Variants in EYS observed in about 807,000 individuals in gnomAD.
EYS encodes the protein EGF-like photoreceptor maintenance factor.
A neutral mutation model predicts 282.1 loss-of-function variants in EYS; 250 were observed. That is an observed-to-expected ratio of 0.89 (90% confidence interval 0.80 to 0.98). EYS has a LOEUF of 0.98. Ranked by LOEUF, EYS falls within the 50% of genes least tolerant of loss-of-function variation. The probability of loss-of-function intolerance (pLI) is 0.00; values close to 1 mark genes in which losing one functional copy is unlikely to be tolerated. For missense variants in EYS, 4,016 were observed against 3,709.0 expected (o/e 1.08, Z -2.15); for synonymous variants, 1,355 against 1,282.9 (o/e 1.06, Z -1.20).
intron 29 of EYS, among the ~76,000 whole-genome samples, chr6:64,334,827 T>C (rs1029015925): frequency 1.3e-5 from 2 of 152,158 alleles, no homozygotes; most frequent in Non-Finnish European, 2.9e-5. Context: ...AGTTAGCTCA[T>C]GTTCCAGTCC....
chr6:65,678,359 T>C (rs1266861019), intron 1 of EYS, among the ~76,000 whole-genome samples: 2 of 151,960 alleles, frequency 1.3e-5, no homozygotes, highest in Admixed American at 6.6e-5. Flanking sequence ...CAATAAAAGG[T>C]GTTGGGAAAA....
At chr6:64,391,887 T>C (rs1043003117) in intron 28 of EYS, among the ~76,000 whole-genome samples, 4 of 152,128 alleles carry the variant, frequency 2.6e-5, no homozygotes, top group Non-Finnish European at 4.4e-5. Context: ...ACCCATCTCA[T>C]GTGCAGAGAC....
At chr6:64,499,319 T>C (rs1339324937) in intron 26 of EYS, among the ~76,000 whole-genome samples, 1 of 152,198 alleles carries the variant, frequency 6.6e-6, no homozygotes, top group African/African-American at 2.4e-5. Flanking sequence ...ATTTTATGTC[T>C]CTTGGCTTTT....
intron 35 of EYS, among the ~76,000 whole-genome samples, chr6:63,952,004 A>G (rs886860148): frequency 1.3e-5 from 2 of 152,166 alleles, no homozygotes; most frequent in African/African-American, 4.8e-5. Flanking sequence ...AAACCCCACA[A>G]AAGTACTCAA....
chr6:65,219,328 G>A (rs1052960199), intron 12 of EYS, among the ~76,000 whole-genome samples: 1 of 152,116 alleles, frequency 6.6e-6, no homozygotes, highest in Non-Finnish European at 1.5e-5. Context: ...ATTTTCAGTA[G>A]AGGAAAAATA....
chr6:65,244,524 A>AT (rs202226845), intron 12 of EYS, among the ~76,000 whole-genome samples: 4,763 of 151,490 alleles, frequency 0.031, 95 homozygotes, highest in African/African-American at 0.054. Context: ...TTATTTATTT[A>AT]TTATTTGAGA....
intron 12 of EYS, among the ~76,000 whole-genome samples, chr6:65,274,367 T>C (rs931066190): frequency 6.6e-6 from 1 of 152,200 alleles, no homozygotes; most frequent in Non-Finnish European, 1.5e-5. Context: ...AGATGGATCT[T>C]GGAGAATGAC....
intron 22 of EYS, among the ~76,000 whole-genome samples, chr6:64,752,536 G>A (rs1772793174): frequency 6.6e-6 from 1 of 152,034 alleles, no homozygotes; most frequent in Non-Finnish European, 1.5e-5. Flanking sequence ...ATGAGTCATA[G>A]GTATTGCTGA....
intron 18 of EYS, among the ~76,000 whole-genome samples, chr6:64,887,740 A>C (rs1767144564): frequency 6.6e-6 from 1 of 152,048 alleles, no homozygotes; most frequent in African/African-American, 2.4e-5. Flanking sequence ...ACCCATATTC[A>C]AGTGTAAATT....
intron 35 of EYS, among the ~76,000 whole-genome samples, chr6:63,954,486 C>A (rs551310654): frequency 6.6e-6 from 1 of 152,164 alleles, no homozygotes; most frequent in Non-Finnish European, 1.5e-5. Flanking sequence ...GAAATTTCCT[C>A]ACTATGTAAG....
At chr6:65,556,668 G>C (rs1562257353) in intron 2 of EYS, among the ~76,000 whole-genome samples, 2 of 151,946 alleles carry the variant, frequency 1.3e-5, no homozygotes. Context: ...AAAAATATTA[G>C]CAATATTAGT....
At chr6:63,928,524 CTGTGTGTGTG>C (rs6149619) in intron 35 of EYS, among the ~76,000 whole-genome samples, 21 of 149,506 alleles carry the variant, frequency 1.4e-4, no homozygotes, top group African/African-American at 3.4e-4. Flanking sequence ...CACCTTTTGA[CTGTGTGTGTG>C]TGTGTGTGTG....
intron 14 of EYS, among the ~76,000 whole-genome samples, chr6:64,960,237 A>T (rs1020020401): frequency 1.3e-5 from 2 of 152,174 alleles, no homozygotes; most frequent in African/African-American, 4.8e-5. Flanking sequence ...ATAAATATTA[A>T]TATGAACAAT....
intron 2 of EYS, among the ~76,000 whole-genome samples, chr6:65,506,306 A>AT (rs1406428624): frequency 6.6e-6 from 1 of 151,564 alleles, no homozygotes; most frequent in Non-Finnish European, 1.5e-5. Flanking sequence ...TTGTAACTGT[A>AT]TTTCACTGAT....
rs371203676 is a variant in EYS, at chr6:65,676,228, G to A, written c.-448+30907C>T. Among the ~76,000 whole-genome samples the A allele has an allele frequency of 1.3e-4, 20 of 151,604 alleles. No homozygotes were observed. The East Asian group carries it at 3.5e-3, about 27-fold the overall frequency. ...GTTAGCAGAAGGAAGGAATTTTAAT[G>A]ATTAGAGCAGAAACAAATAGAAAAT... On this transcript the variant is annotated intron_variant, in intron 1 of 42. Coordinates refer to ENST00000503581, the MANE Select transcript of EYS (RefSeq NM_001142800.2).
intron 34 of EYS, among the ~76,000 whole-genome samples, chr6:63,989,429 A>G (rs1187924876): frequency 6.6e-6 from 1 of 151,730 alleles, no homozygotes; most frequent in African/African-American, 2.4e-5. Context: ...ATAAAAAATA[A>G]CACCAGCAAT....
intron 7 of EYS, among the ~76,000 whole-genome samples, chr6:65,386,389 T>C (rs1765805372): frequency 6.8e-6 from 1 of 147,944 alleles, no homozygotes; most frequent in Non-Finnish European, 1.5e-5. Context: ...CATGCGCTTG[T>C]ATCCCTGAAC....
At chr6:63,781,671 A>G (rs966535218) in intron 39 of EYS, among the ~76,000 whole-genome samples, 3 of 152,122 alleles carry the variant, frequency 2.0e-5, no homozygotes, top group African/African-American at 7.2e-5. Flanking sequence ...GGGTTTTCTA[A>G]ATATACAATC....
chr6:64,524,807 T>C (rs1207879787), intron 26 of EYS, among the ~76,000 whole-genome samples: 2 of 151,890 alleles, frequency 1.3e-5, no homozygotes, highest in Admixed American at 6.6e-5. Flanking sequence ...TTGGGCTCTC[T>C]ATTCTGTTCC....
Sources: gnomAD v4.1 joint callset for allele counts (sites outside exome capture counted in the v4.1 genomes callset) on GRCh38, gnomAD v4.1.1 for gene constraint, MANE v1.5 for transcripts, NCBI Gene and HGNC (gene_info 2026-07-23, HGNC 2026-07-21) for gene names.